The following PRKCE variants were observed in gnomAD, a reference collection of about 807,000 sequenced individuals.
PRKCE encodes protein kinase C epsilon.
Under a neutral mutation model 85.4 loss-of-function variants are expected in PRKCE, and 16 were observed. That is an observed-to-expected ratio of 0.19 (90% CI 0.13 to 0.28). The LOEUF is 0.28. Ranked by LOEUF, PRKCE falls within the 10% of genes least tolerant of loss-of-function variation. The pLI is 1.00. For synonymous variants in PRKCE, 388 were observed against 371.5 expected (o/e 1.04, Z -0.51); for missense variants, 573 against 975.2 (o/e 0.59, Z 5.49).
At chr2:45,758,972 C>T (rs539316079) in intron 1 of PRKCE, among the ~76,000 whole-genome samples, 4 of 152,230 alleles carry the variant, frequency 2.6e-5, no homozygotes, top group Admixed American at 6.5e-5. Flanking sequence ...GTGAAGGGAC[C>T]GTGGGAGAGT....
chr2:46,026,650 G>T (rs568553776), intron 10 of PRKCE, among the ~76,000 whole-genome samples: 1 of 152,234 alleles, frequency 6.6e-6, no homozygotes, highest in Non-Finnish European at 1.5e-5. Context: ...ACATTTTAGG[G>T]ATGTTTTTGG....
chr2:46,106,390 A>G (rs1010215744), intron 11 of PRKCE, among the ~76,000 whole-genome samples: 1 of 152,242 alleles, frequency 6.6e-6, no homozygotes, highest in Admixed American at 6.5e-5. Flanking sequence ...GTATATATGC[A>G]TAGAATTGTT....
intron 1 of PRKCE, among the ~76,000 whole-genome samples, chr2:45,757,642 G>A (rs562502959): frequency 1.3e-5 from 2 of 152,012 alleles, no homozygotes; most frequent in Non-Finnish European, 2.9e-5. Flanking sequence ...CTCCAGCCTG[G>A]GTGACAGAGC....
At chr2:45,925,678 C>G (rs940935040) in intron 2 of PRKCE, among the ~76,000 whole-genome samples, 11 of 152,204 alleles carry the variant, frequency 7.2e-5, no homozygotes, top group African/African-American at 2.4e-4. Flanking sequence ...GTAGTGAACC[C>G]AAGGGAGAAT....
At chr2:45,834,263 T>A (rs569002102) in intron 1 of PRKCE, among the ~76,000 whole-genome samples, 8 of 152,168 alleles carry the variant, frequency 5.3e-5, no homozygotes, top group African/African-American at 1.9e-4. Context: ...GAGAATGCAG[T>A]GTTTCAGCCA....
intron 2 of PRKCE, 71 bp downstream of exon 2, chr2:45,843,134 C>A: frequency 7.3e-7 from 1 of 1,361,376 alleles, no homozygotes; most frequent in Non-Finnish European, 1.0e-6. Context: ...CTTCTTTCCC[C>A]CCCTTGGCCG....
chr2:46,046,390 G>C (rs868618492), intron 10 of PRKCE, among the ~76,000 whole-genome samples: 1 of 152,198 alleles, frequency 6.6e-6, no homozygotes, highest in Non-Finnish European at 1.5e-5. Flanking sequence ...CCACATGACA[G>C]TGTTTCTCAA....
chr2:46,018,336 G>C (rs556757789), intron 10 of PRKCE, among the ~76,000 whole-genome samples: 4 of 152,180 alleles, frequency 2.6e-5, no homozygotes, highest in African/African-American at 9.7e-5. Context: ...TGTGGGGAAA[G>C]GTAGGTAGGA....
At chr2:46,018,704 T>A (rs1706384600) in intron 10 of PRKCE, among the ~76,000 whole-genome samples, 1 of 152,262 alleles carries the variant, frequency 6.6e-6, no homozygotes, top group African/African-American at 2.4e-5. Context: ...CATTCCAGTT[T>A]TAGAAAAGTA....
chr2:45,714,105 C>T lies in PRKCE; in HGVS notation c.348+61657C>T, dbSNP rs535324084. On this transcript the variant is annotated intron_variant, in intron 1 of 14. Coordinates refer to ENST00000306156, the MANE Select transcript of PRKCE (RefSeq NM_005400.3). ...TAATTAAATAAGCATTTTTTGAGAT[C>T]CAGTAGCCCCAAACACTGTGCTAAG... Among the ~76,000 whole-genome samples, 3 of 152,114 alleles carry T rather than the reference C, an allele frequency of 2.0e-5. No individual in the cohort carries two copies. The South Asian group carries it at 6.2e-4, about 31-fold the overall frequency.
At chr2:46,127,473 C>G (rs1317798416) in intron 11 of PRKCE, among the ~76,000 whole-genome samples, 1 of 152,198 alleles carries the variant, frequency 6.6e-6, no homozygotes, top group Non-Finnish European at 1.5e-5. Flanking sequence ...TTTGCCCCAG[C>G]CTTCTCTTAG....
intron 1 of PRKCE, among the ~76,000 whole-genome samples, chr2:45,793,855 A>G (rs1209188985): frequency 1.3e-5 from 2 of 152,204 alleles, no homozygotes; most frequent in East Asian, 3.9e-4. Context: ...CAGCCCTGTT[A>G]CATAGCCAGG....
chr2:46,167,208 T>TC (rs564226109), intron 14 of PRKCE, among the ~76,000 whole-genome samples: 149 of 152,220 alleles, frequency 9.8e-4, no homozygotes, highest in South Asian at 2.1e-3. Context: ...CAGGTTCTAA[T>TC]TTGGGCTGTG....
chr2:46,175,645 A>G (rs1415274789), intron 14 of PRKCE, among the ~76,000 whole-genome samples: 7 of 152,256 alleles, frequency 4.6e-5, no homozygotes, highest in Admixed American at 4.6e-4. Flanking sequence ...GCTGTAGAGC[A>G]TGAAGGCTAA....
chr2:46,110,207 ATG>A (rs1672123848), intron 11 of PRKCE, among the ~76,000 whole-genome samples: 1 of 152,162 alleles, frequency 6.6e-6, no homozygotes, highest in Non-Finnish European at 1.5e-5. Context: ...ACCTCATAGA[ATG>A]AGTTAGGAAG....
intron 13 of PRKCE, among the ~76,000 whole-genome samples, chr2:46,154,757 A>T (rs1163824389): frequency 6.0e-5 from 9 of 150,546 alleles, no homozygotes; most frequent in Non-Finnish European, 1.3e-4. Context: ...TTTACAAAAA[A>T]CTAAACCTTG....
chr2:45,667,575 G>A lies in PRKCE; in HGVS notation c.348+15127G>A, dbSNP rs191240710. ...AGAGTGTAGTATTGTAAAAAAAATT[G>A]CATGCACGCACACACCTGTATGAAC... On this transcript the variant is annotated intron_variant, in intron 1 of 14. Coordinates refer to ENST00000306156, the MANE Select transcript of PRKCE (RefSeq NM_005400.3). Among the ~76,000 whole-genome samples, 194 of 152,082 alleles carry A rather than the reference G, an allele frequency of 1.3e-3. 2 individuals are homozygous for A. Among genetic ancestry groups the A allele is most frequent in the Admixed American group, 0.011 (162 of 15,276 alleles).
At chr2:45,853,676 A>G (rs1692453693) in intron 2 of PRKCE, among the ~76,000 whole-genome samples, 1 of 152,238 alleles carries the variant, frequency 6.6e-6, no homozygotes, top group South Asian at 2.1e-4. Context: ...TGACTAAATG[A>G]AAATAACAGG....
rs1240346467 is a variant in PRKCE, at chr2:45,774,455, G to A, written c.349-68545G>A. 4.6e-5 allele frequency among the ~76,000 whole-genome samples: 7 copies of A among 152,154 alleles called. No individual in the cohort carries two copies. Among genetic ancestry groups the A allele is most frequent in the South Asian group, 2.1e-4 (1 of 4,828 alleles). On this transcript the variant is annotated intron_variant, in intron 1 of 14. Coordinates refer to ENST00000306156, the MANE Select transcript of PRKCE (RefSeq NM_005400.3). This position sits in a 1 kb window ranked among gnomAD's most constrained non-coding sequence, Gnocchi z 4.3. ...CAGCATCAGCACGGCTTTAGAGACC[G>A]AGTGCCCGCTTTTTCTCTCTTTTTG... is the stretch of plus-strand genomic sequence containing the variant.
Sources: allele counts gnomAD v4.1 joint callset (sites outside exome capture counted in the v4.1 genomes callset), GRCh38; gene constraint gnomAD v4.1.1; non-coding constraint Gnocchi (gnomAD v3.1); transcripts MANE v1.5; gene names NCBI Gene and HGNC (gene_info 2026-07-23, HGNC 2026-07-21).